ATXN7L1: variants seen among roughly 807,000 people sequenced by gnomAD.
ATXN7L1 encodes ataxin 7 like 1.
A neutral mutation model predicts 70.8 loss-of-function variants in ATXN7L1; 15 were observed. The ratio of observed to expected loss-of-function variants is 0.21; its 90% CI spans 0.14 to 0.33. The LOEUF (loss-of-function observed/expected upper bound fraction) is 0.33. Among genes scored for constraint, ATXN7L1 ranks in the 10% least tolerant of loss-of-function variants. The probability of loss-of-function intolerance (pLI) is 1.00; values close to 1 mark genes in which losing one functional copy is unlikely to be tolerated. For synonymous variants in ATXN7L1, 440 were observed against 445.1 expected (o/e 0.99, Z 0.14); for missense variants, 975 against 1,097.1 (o/e 0.89, Z 1.57).
chr7:105,778,335 G>A (rs1383845302), intron 3 of ATXN7L1, among the ~76,000 whole-genome samples: 4 of 131,684 alleles, frequency 3.0e-5, no homozygotes, highest in South Asian at 2.6e-4. Flanking sequence ...GGCGAAACCC[G>A]CATCTCTACA....
rs1053471698 is a variant in ATXN7L1, at chr7:105,605,892, A to G, written c.*1960T>C. 2 of 152,220 alleles carry G rather than the reference A, an allele frequency of 1.3e-5. No individual in the cohort carries two copies. Among genetic ancestry groups the G allele is most frequent in the Admixed American group, 6.5e-5 (1 of 15,288 alleles). The allele number at this position is 152,220 out of a possible 1,614,324, so 9.4% of individuals were successfully genotyped here. ...TAAGTTTCATATTGTTTCTGAAACT[A>G]TTCTGGTCAGTTAGCTCTGTAATAT... On this transcript the variant is annotated 3_prime_UTR_variant, in exon 12 of 12. Coordinates refer to ENST00000419735, the MANE Select transcript of ATXN7L1 (RefSeq NM_020725.2).
At chr7:105,722,423 A>G (rs991250261) in intron 3 of ATXN7L1, among the ~76,000 whole-genome samples, 1 of 151,930 alleles carries the variant, frequency 6.6e-6, no homozygotes, top group African/African-American at 2.4e-5. Flanking sequence ...TTAGTTGGGC[A>G]TGGTAGTACA....
At chr7:105,670,541 T>C (rs1280833439) in intron 3 of ATXN7L1, among the ~76,000 whole-genome samples, 1 of 152,216 alleles carries the variant, frequency 6.6e-6, no homozygotes, top group Non-Finnish European at 1.5e-5. Flanking sequence ...CAGCTAACAT[T>C]CTACATATAC....
chr7:105,619,826 G>C (rs1794665892), intron 9 of ATXN7L1, among the ~76,000 whole-genome samples: 2 of 151,696 alleles, frequency 1.3e-5, no homozygotes, highest in South Asian at 2.1e-4. Flanking sequence ...CCAAGCGCTG[G>C]GATTACAGGC....
chr7:105,873,499 A>G (rs1387870353), intron 2 of ATXN7L1, among the ~76,000 whole-genome samples: 1 of 152,194 alleles, frequency 6.6e-6, no homozygotes, highest in East Asian at 1.9e-4. Context: ...GTCTCAGCTC[A>G]ACCCTTCAAT....
chr7:105,849,089 C>A (rs1056000571), intron 2 of ATXN7L1, among the ~76,000 whole-genome samples: 8 of 152,220 alleles, frequency 5.3e-5, no homozygotes, highest in Non-Finnish European at 7.3e-5. Flanking sequence ...AAAACTGCTC[C>A]ACTGAATTTG....
chr7:105,676,390 G>A (rs1365490604), intron 3 of ATXN7L1, among the ~76,000 whole-genome samples: 4 of 152,178 alleles, frequency 2.6e-5, no homozygotes, highest in Admixed American at 6.5e-5. Context: ...TTGCAGATAA[G>A]CTGTTGAATT....
At chr7:105,788,507 CAAGACATGGCGAGACCCTGTCGGGG>C in intron 3 of ATXN7L1, 72 bp downstream of exon 3, 1 of 1,005,698 alleles carries the variant, frequency 9.9e-7, no homozygotes, top group Admixed American at 1.8e-5. Context: ...CAGGCTGAGA[CAAGACATGGCGAGACCCTGTCGGGG>C]AGCCCAGGGG....
At chr7:105,672,288 GC>G (rs749470739) in intron 3 of ATXN7L1, among the ~76,000 whole-genome samples, 54 of 151,230 alleles carry the variant, frequency 3.6e-4, no homozygotes, top group Middle Eastern at 3.4e-3. Context: ...TCCGTCCCCT[GC>G]CCCCCCCAAA....
chr7:105,727,411 G>C (rs984886264), intron 3 of ATXN7L1, among the ~76,000 whole-genome samples: 39 of 152,076 alleles, frequency 2.6e-4, no homozygotes, highest in African/African-American at 9.2e-4. Flanking sequence ...GCTCATGCCT[G>C]TAATCCCAGC....
At chr7:105,729,042 T>C (rs538193403) in intron 3 of ATXN7L1, among the ~76,000 whole-genome samples, 151 of 152,166 alleles carry the variant, frequency 9.9e-4, no homozygotes, top group African/African-American at 3.3e-3. Flanking sequence ...GATGGAAGGA[T>C]TGCTTGAACC....
At chr7:105,611,466 G>A (rs1793145255) in intron 10 of ATXN7L1, among the ~76,000 whole-genome samples, 2 of 152,196 alleles carry the variant, frequency 1.3e-5, no homozygotes, top group South Asian at 4.1e-4. Context: ...CTGCCTCTGG[G>A]GTTCAAGTGA....
intron 3 of ATXN7L1, among the ~76,000 whole-genome samples, chr7:105,711,721 G>A (rs1793937003): frequency 6.6e-6 from 1 of 152,356 alleles, no homozygotes; most frequent in Non-Finnish European, 1.5e-5. Flanking sequence ...CTTTCATGGT[G>A]TTGAGTGCCT....
intron 3 of ATXN7L1, among the ~76,000 whole-genome samples, chr7:105,740,340 G>A (rs1331574052): frequency 6.6e-6 from 1 of 152,186 alleles, no homozygotes; most frequent in East Asian, 1.9e-4. Context: ...TTAGTGGAAG[G>A]CTCAAGACTC....
chr7:105,651,334 A>G (rs146898551), intron 4 of ATXN7L1, among the ~76,000 whole-genome samples: 250 of 152,386 alleles, frequency 1.6e-3, no homozygotes, highest in African/African-American at 5.8e-3. Flanking sequence ...GCATAGTGCC[A>G]GGCACATAGC....
At chr7:105,868,131 A>G (rs900046024) in intron 2 of ATXN7L1, among the ~76,000 whole-genome samples, 11 of 152,154 alleles carry the variant, frequency 7.2e-5, no homozygotes, top group African/African-American at 2.7e-4. Flanking sequence ...AGCTCTACAC[A>G]TGGGTAACTT....
intron 2 of ATXN7L1, among the ~76,000 whole-genome samples, chr7:105,837,282 T>C (rs1003069619): frequency 1.3e-5 from 2 of 152,126 alleles, no homozygotes; most frequent in Non-Finnish European, 2.9e-5. Flanking sequence ...ATCCAAACTA[T>C]ATCATAGTCA....
intron 4 of ATXN7L1, among the ~76,000 whole-genome samples, chr7:105,647,506 G>T (rs370032881): frequency 4.6e-5 from 7 of 152,208 alleles, no homozygotes; most frequent in Admixed American, 2.0e-4. Context: ...AATTAGCCGG[G>T]CGCGGTGGCA....
intron 4 of ATXN7L1, among the ~76,000 whole-genome samples, chr7:105,645,929 C>T (rs988654184): frequency 4.0e-5 from 6 of 151,874 alleles, no homozygotes; most frequent in Admixed American, 6.6e-5. Flanking sequence ...ATCACTTGAA[C>T]CCAGGAGGCA....
Sources: allele counts gnomAD v4.1 joint callset (sites outside exome capture counted in the v4.1 genomes callset), GRCh38; gene constraint gnomAD v4.1.1; transcripts MANE v1.5; gene names NCBI Gene and HGNC (gene_info 2026-07-23, HGNC 2026-07-21).